SEC24B: variants seen among roughly 807,000 people sequenced by gnomAD.
SEC24B encodes SEC24 homolog B, COPII component.
Under a neutral mutation model 142.8 loss-of-function variants are expected in SEC24B, and 45 were observed. That is an observed-to-expected ratio of 0.32 (90% CI 0.25 to 0.40). The LOEUF is 0.40. Ranked by LOEUF, SEC24B falls within the 10% of genes least tolerant of loss-of-function variation. The pLI, the probability that SEC24B is intolerant of heterozygous loss-of-function variation, is 1.00. For synonymous variants in SEC24B, 574 were observed against 568.2 expected (o/e 1.01, Z -0.15); for missense variants, 1,409 against 1,526.8 (o/e 0.92, Z 1.29).
chr4:109,489,449 A>G (rs1038549405), intron 4 of SEC24B, among the ~76,000 whole-genome samples: 1 of 147,762 alleles, frequency 6.8e-6, no homozygotes, highest in African/African-American at 2.7e-5. Context: ...AGTGGCATTT[A>G]GTACATGTAC....
intron 6 of SEC24B, among the ~76,000 whole-genome samples, chr4:109,501,688 T>TC (rs1736166436): frequency 6.6e-6 from 1 of 152,192 alleles, no homozygotes; most frequent in Admixed American, 6.5e-5. Context: ...GCCAGGCTGG[T>TC]CTCAAATTCC....
In SEC24B at chr4:109,494,754, C is replaced by G. The variant is rs767505376; in HGVS notation, c.1386C>G (p.Gly462=). ...AAATGGCTAAGCCTTTTGGCTATGG[C>G]TATCCAACACTTCAGCCTGGTTATC... ...PSKMAKPFGY[G]YPTLQPGYQN... Residue 462 remains glycine (G), a synonymous_variant, in exon 6 of 24, where the codon GGC becomes GGG. Transcript: ENST00000265175. 1.2e-6 allele frequency: 2 copies of G among 1,614,218 alleles called. No homozygotes were observed. Among genetic ancestry groups the G allele is most frequent in the Non-Finnish European group, 1.7e-6 (2 of 1,180,042 alleles).
At chr4:109,483,056 T>TTATTTATGTATTTATA (rs1561117642) in intron 4 of SEC24B, among the ~76,000 whole-genome samples, 6 of 97,936 alleles carry the variant, frequency 6.1e-5, no homozygotes, top group African/African-American at 5.4e-4. Context: ...ATTTATGTAT[T>TTATTTATGTATTTATA]TATATATATA....
chr4:109,539,815 AAAAGT>A lies in SEC24B; in HGVS notation c.*145_*149del. The A allele has an allele frequency of 1.6e-6, 1 of 606,084 alleles. No homozygotes were observed. Among genetic ancestry groups the A allele is most frequent in the South Asian group, 2.1e-5 (1 of 47,804 alleles). The allele number at this position is 606,084 out of a possible 1,614,324, so 37.5% of individuals were successfully genotyped here. A position where few individuals can be genotyped will look rare whatever the true frequency, so the allele number is the denominator to read the frequency against. On this transcript the variant is annotated 3_prime_UTR_variant, in exon 24 of 24. Transcript: ENST00000265175. ...CAGCACTCTGTCTGAGGCTTTGGTA[AAAAGT>A]AAAGGGGAAGAAAGAACTTGACAGA... is the stretch of plus-strand genomic sequence containing the variant.
chr4:109,486,939 C>T (rs1279346975), intron 4 of SEC24B, among the ~76,000 whole-genome samples: 1 of 152,052 alleles, frequency 6.6e-6, no homozygotes, highest in East Asian at 1.9e-4. Context: ...CTGAGATGGG[C>T]AGATCACCTG....
chr4:109,444,629 G>T (rs913142818), intron 1 of SEC24B, among the ~76,000 whole-genome samples: 7 of 152,140 alleles, frequency 4.6e-5, no homozygotes, highest in African/African-American at 1.4e-4. Flanking sequence ...TACTGAGACA[G>T]ATATGTCCTG....
intron 1 of SEC24B, among the ~76,000 whole-genome samples, chr4:109,452,048 G>C (rs1730149656): frequency 6.6e-6 from 1 of 150,820 alleles, no homozygotes; most frequent in Non-Finnish European, 1.5e-5. Context: ...TGCCACTGCA[G>C]TACCATCTGG....
Position 109,468,765 on chromosome 4 carries a change from AAAG to A in SEC24B, c.878-4233_878-4231del, listed in dbSNP as rs752082834. 1.8e-4 allele frequency among the ~76,000 whole-genome samples: 27 copies of A among 152,322 alleles called. 1 individual carries two copies. The highest frequency in any genetic ancestry group is 1.7e-3 in the East Asian group (9 of 5,188). ...TTTGTTGATGTAGTTTATGAAGGAA[AAAG>A]AAGAATACAAGATGACTTAAAATTT... On this transcript the variant is annotated intron_variant, in intron 2 of 23. Coordinates refer to ENST00000265175, the MANE Select transcript of SEC24B (RefSeq NM_006323.5).
intron 11 of SEC24B, among the ~76,000 whole-genome samples, chr4:109,517,283 T>C (rs1723041944): frequency 6.7e-6 from 1 of 149,678 alleles, no homozygotes; most frequent in Non-Finnish European, 1.5e-5. Flanking sequence ...AATGGAATAC[T>C]ATCCAGCCTT....
chr4:109,515,489 G>T (rs1428412683), intron 10 of SEC24B, among the ~76,000 whole-genome samples: 4 of 151,960 alleles, frequency 2.6e-5, no homozygotes, highest in African/African-American at 9.7e-5. Context: ...TTGAGACAGA[G>T]TTTCACTCTG....
chr4:109,478,192 A>G (rs1733373239), intron 3 of SEC24B, among the ~76,000 whole-genome samples: 2 of 152,042 alleles, frequency 1.3e-5, no homozygotes, highest in Non-Finnish European at 2.9e-5. Context: ...AGGCTGAGGC[A>G]GGAGAATCAC....
chr4:109,524,331 G>A (rs573461532), intron 14 of SEC24B, among the ~76,000 whole-genome samples: 4 of 152,200 alleles, frequency 2.6e-5, no homozygotes, highest in South Asian at 2.1e-4. Context: ...TGATGATTAA[G>A]AACTTGGAGA....
chr4:109,506,461 C>T lies in SEC24B; in HGVS notation c.1622C>T (p.Ala541Val), dbSNP rs746747448. ...RNILPMTPVW[A>V]PVPNLNADLK... ...ATTTTACCTATGACTCCTGTTTGGG[C>T]TCCTGTACCTAACTTGAATGCAGAC... Residue 541 changes from alanine to valine, a missense_variant, in exon 7 of 24, where the codon GCT becomes GTT. Transcript: ENST00000265175. 6.9e-6 allele frequency: 11 copies of T among 1,604,736 alleles called. No individual in the cohort carries two copies. The South Asian group carries it at 1.2e-4, about 18-fold the overall frequency.
At chr4:109,496,197 C>A (rs1034630866) in intron 6 of SEC24B, among the ~76,000 whole-genome samples, 1 of 151,936 alleles carries the variant, frequency 6.6e-6, no homozygotes, top group African/African-American at 2.4e-5. Flanking sequence ...ACTGCAACCT[C>A]CGCCTACTGG....
intron 1 of SEC24B, among the ~76,000 whole-genome samples, chr4:109,458,935 C>G (rs1730982575): frequency 6.6e-6 from 1 of 151,674 alleles, no homozygotes; most frequent in East Asian, 1.9e-4. Context: ...TTTTTTTCCT[C>G]CACAACTTTT....
At chr4:109,449,657 C>G in intron 1 of SEC24B, 1 of 362,558 alleles carries the variant, frequency 2.8e-6, no homozygotes, top group South Asian at 2.0e-5. Context: ...GGTATGTGCA[C>G]GTAGAGAGAT....
At chr4:109,535,253 G>A (rs1339690582) in intron 22 of SEC24B, among the ~76,000 whole-genome samples, 1 of 151,994 alleles carries the variant, frequency 6.6e-6, no homozygotes, top group African/African-American at 2.4e-5. Flanking sequence ...TTTAACTTTG[G>A]GTTTAAATTA....
At chr4:109,527,487 A>G in intron 18 of SEC24B, 55 bp downstream of exon 18, 1 of 1,355,810 alleles carries the variant, frequency 7.4e-7, no homozygotes, top group Non-Finnish European at 1.0e-6. Context: ...TAAAAACTGA[A>G]GCTTGGCTGG....
At position 109,473,105 on chromosome 4, in the gene SEC24B, A is replaced by G. The variant is rs200209808; in HGVS notation, c.979A>G (p.Thr327Ala). 423 of 1,601,506 alleles carry G rather than the reference A, an allele frequency of 2.6e-4. 4 individuals carry two copies. Among genetic ancestry groups the G allele is most frequent in the African/African-American group, 6.7e-5 (5 of 74,252 alleles). Residue 327 changes from threonine (T) to alanine (A), a missense_variant, in exon 3 of 24, where the codon ACA becomes GCA. This residue lies in a region of SEC24B where 709 missense variants were observed against 673.5 expected (regional missense o/e 1.05). Coordinates refer to ENST00000265175, the MANE Select transcript of SEC24B (RefSeq NM_006323.5). The part of the protein sequence containing the change: ...VLSGSSGSSS[T>A]RTPPTANHPV... The stretch of plus-strand genomic sequence containing the variant: ...ATCAGGATCCTCAGGATCCTCATCA[A>G]CAAGAACACCTCCCACTGCAAATCA...
Sources: allele counts gnomAD v4.1 joint callset (sites outside exome capture counted in the v4.1 genomes callset), GRCh38; gene constraint gnomAD v4.1.1; regional missense constraint gnomAD v4.1.1; transcripts MANE v1.5; gene names NCBI Gene and HGNC (gene_info 2026-07-23, HGNC 2026-07-21).